NAT14: variants seen among roughly 807,000 people sequenced by gnomAD.
NAT14 encodes the protein N-acetyltransferase 14 (putative).
In NAT14, 14 loss-of-function variants were observed where a neutral mutation model predicts 12.1. The observed-to-expected ratio is 1.16, with a 90% CI of 0.76 to 1.81. The LOEUF is 1.81. Among genes scored for constraint, NAT14 ranks in the 40% most tolerant of loss-of-function variants. The pLI is 0.00. For synonymous variants in NAT14, 156 were observed against 145.1 expected, an observed-to-expected ratio of 1.08 and a Z score of -0.54; for missense variants, 341 against 304.3, an observed-to-expected ratio of 1.12 and a Z score of -0.90.
Position 55,485,702 on chromosome 19 carries a change from G to A in NAT14, c.-7G>A. 1 of 1,549,768 alleles carries A rather than the reference G, an allele frequency of 6.5e-7. No homozygotes were observed. Among genetic ancestry groups the A allele is most frequent in the Admixed American group, 2.0e-5 (1 of 50,992 alleles). ...CCCTTCTGGGGGGCCGGGGCCTGGG[G>A]GTTGCCATGGCCCCCAGCCACCTGT... is the stretch of plus-strand genomic sequence containing the variant. On this transcript the variant is annotated 5_prime_UTR_variant, in exon 2 of 3. Coordinates refer to ENST00000205194, the MANE Select transcript of NAT14 (RefSeq NM_020378.4).
At chr19:55,485,547 C>G in intron 1 of NAT14, 114 bp from the exon 2 acceptor site, 1 of 606,564 alleles carries the variant, frequency 1.6e-6, no homozygotes, top group Non-Finnish European at 2.9e-6. Context: ...CTTGGGGGCC[C>G]CGAGGGTTCT....
chr19:55,485,653 CTCACCAGG>C lies in NAT14; in HGVS notation c.-48-6_-47del. 6.9e-7 allele frequency: 1 copy of C among 1,439,690 alleles called. No homozygotes were observed. Among genetic ancestry groups the C allele is most frequent in the Non-Finnish European group, 9.6e-7 (1 of 1,046,202 alleles). The allele number at this position is 1,439,690 out of a possible 1,614,324, so 89.2% of individuals were successfully genotyped here. A position where few individuals can be genotyped will look rare whatever the true frequency, so the allele number is the denominator to read the frequency against. The stretch of plus-strand genomic sequence containing the variant: ...CCCCTGACGCTGACCTACTTATGTT[CTCACCAGG>C]TGCACGACGCCAGCTCCCTTCTGGG... On this transcript the variant is annotated splice_acceptor_variant and splice_polypyrimidine_tract_variant and 5_prime_UTR_variant and intron_variant, in exon 2 of 3. Coordinates refer to ENST00000205194, the MANE Select transcript of NAT14 (RefSeq NM_020378.4). LOFTEE classifies it low-confidence loss of function (5UTR_SPLICE).
rs1161968028 is a variant in NAT14 at position 55,485,687 on chromosome 19, G to A, written c.-22G>A. On this transcript the variant is annotated 5_prime_UTR_variant, in exon 2 of 3. Transcript: ENST00000205194. ...TGCACGACGCCAGCTCCCTTCTGGG[G>A]GGCCGGGGCCTGGGGGTTGCCATGG... 1.3e-6 allele frequency: 2 copies of A among 1,546,026 alleles called. No individual in the cohort carries two copies. Among genetic ancestry groups the A allele is most frequent in the East Asian group, 2.4e-5 (1 of 40,876 alleles).
Position 55,487,219 on chromosome 19 carries a change from C to G in NAT14, c.*263C>G. ...GGGGGCCTCTCGAGGTCAGCCTCTC[C>G]AACCCCTACCTCAGCTCCTGTCTGC... is the stretch of plus-strand genomic sequence containing the variant. On this transcript the variant is annotated 3_prime_UTR_variant, in exon 3 of 3. Coordinates refer to ENST00000205194, the MANE Select transcript of NAT14 (RefSeq NM_020378.4). 1.8e-6 allele frequency: 1 copy of G among 540,700 alleles called. No individual in the cohort carries two copies. The highest frequency in any genetic ancestry group is 3.4e-5 in the East Asian group (1 of 29,396). 33.5% of individuals were successfully genotyped at this position (540,700 alleles called of 1,614,324 possible). A position where few individuals can be genotyped will look rare whatever the true frequency, so the allele number is the denominator to read the frequency against.
In NAT14 at chr19:55,486,806, C is replaced by A. The variant is rs1026343667; in HGVS notation, c.471C>A (p.Gly157=). The A allele has an allele frequency of 4.0e-6, 6 of 1,490,094 alleles. No individual in the cohort carries two copies. The Middle Eastern group carries it at 6.9e-4, about 171-fold the overall frequency. The allele number at this position is 1,490,094 out of a possible 1,614,324, so 92.3% of individuals were successfully genotyped here. ...AEARARAWAG[G]MGEPRARLVV... ...CCCGGGCTCGGGCCTGGGCTGGGGG[C>A]ATGGGGGAGCCCCGGGCCCGGCTCG... The change falls in exon 3 of 3, where the codon GGC becomes GGA. Residue 157 remains glycine (G), a synonymous_variant. Transcript: ENST00000205194.
chr19:55,487,050 T>G lies in NAT14; in HGVS notation c.*94T>G. 5 of 1,457,954 alleles carry G rather than the reference T, an allele frequency of 3.4e-6. No individual in the cohort carries two copies. The highest frequency in any genetic ancestry group is 4.5e-6 in the Non-Finnish European group (5 of 1,109,536). 90.3% of individuals were successfully genotyped at this position (1,457,954 alleles called of 1,614,324 possible). A position where few individuals can be genotyped will look rare whatever the true frequency, so the allele number is the denominator to read the frequency against. On this transcript the variant is annotated 3_prime_UTR_variant, in exon 3 of 3. Transcript: ENST00000205194. ...TGCGGGTTCTTTTACCTGCTCTCCC[T>G]CAGTGAGTCCTCAACCACCCTGGGC...
intron 2 of NAT14, chr19:55,486,083 C>G (rs1345251375): frequency 3.5e-6 from 2 of 573,948 alleles, no homozygotes; most frequent in Non-Finnish European, 6.2e-6. Flanking sequence ...CAAAGCACAG[C>G]CCAGCACCCC....
In NAT14 at chr19:55,486,519, T is replaced by A. The variant is rs779349801; in HGVS notation, c.184T>A (p.Phe62Ile). ...SSGLRFVLASFALALLLPVFL... is the reference protein window; with the variant it reads ...SSGLRFVLASIALALLLPVFL... Reference sequence around the variant, plus strand: ...CGGCCTGCGCTTTGTCCTGGCTTCCTTCGCCCTGGCCCTCCTCCTGCCGGT... The same window carrying A: ...CGGCCTGCGCTTTGTCCTGGCTTCCATCGCCCTGGCCCTCCTCCTGCCGGT... The change falls in exon 3 of 3, where the codon TTC becomes ATC. Residue 62 changes from phenylalanine (F) to isoleucine (I), a missense_variant. Phe to Ile is a conservative substitution (Grantham distance 21). Transcript: ENST00000205194. The A allele has an allele frequency of 6.3e-7, 1 of 1,587,092 alleles. No individual in the cohort carries two copies. Among genetic ancestry groups the A allele is most frequent in the Admixed American group, 1.7e-5 (1 of 58,332 alleles).
In NAT14 at chr19:55,487,230, T is replaced by G. The variant is rs778752929; in HGVS notation, c.*274T>G. 4 of 522,844 alleles carry G rather than the reference T, an allele frequency of 7.7e-6. No homozygotes were observed. The highest frequency in any genetic ancestry group is 3.8e-5 in the Admixed American group (1 of 26,362). The allele number at this position is 522,844 out of a possible 1,614,324, so 32.4% of individuals were successfully genotyped here. A position where few individuals can be genotyped will look rare whatever the true frequency, so the allele number is the denominator to read the frequency against. ...GAGGTCAGCCTCTCCAACCCCTACC[T>G]CAGCTCCTGTCTGCACTGAGAAACC... On this transcript the variant is annotated 3_prime_UTR_variant, in exon 3 of 3. Coordinates refer to ENST00000205194, the MANE Select transcript of NAT14 (RefSeq NM_020378.4).
intron 2 of NAT14, chr19:55,486,106 C>A: frequency 1.8e-6 from 1 of 548,334 alleles, no homozygotes; most frequent in East Asian, 2.9e-5. Context: ...CCTAGCCCAG[C>A]AGCCTCCCTC....
chr19:55,485,707 C>T lies in NAT14; in HGVS notation c.-2C>T, dbSNP rs182684332. ...CTGGGGGGCCGGGGCCTGGGGGTTG[C>T]CATGGCCCCCAGCCACCTGTCAGTG... On this transcript the variant is annotated 5_prime_UTR_variant, in exon 2 of 3. Coordinates refer to ENST00000205194, the MANE Select transcript of NAT14 (RefSeq NM_020378.4). 5.9e-4 allele frequency: 915 copies of T among 1,550,048 alleles called. 2 individuals carry two copies. The African/African-American group carries it at 0.011, about 18-fold the overall frequency.
Position 55,485,685 on chromosome 19 carries a change from G to A in NAT14, c.-24G>A. On this transcript the variant is annotated 5_prime_UTR_variant, in exon 2 of 3. Transcript: ENST00000205194. The stretch of plus-strand genomic sequence containing the variant: ...GGTGCACGACGCCAGCTCCCTTCTG[G>A]GGGGCCGGGGCCTGGGGGTTGCCAT... The A allele has an allele frequency of 6.5e-7, 1 of 1,545,242 alleles. No individual in the cohort carries two copies.
chr19:55,486,579 C>T lies in NAT14; in HGVS notation c.244C>T (p.Arg82Trp), dbSNP rs779283470. The T allele has an allele frequency of 1.3e-5, 20 of 1,577,512 alleles. No homozygotes were observed. Among genetic ancestry groups the T allele is most frequent in the South Asian group, 3.4e-5 (3 of 87,820 alleles). Residue 82 changes from arginine to tryptophan, a missense_variant, in exon 3 of 3, where the codon CGG becomes TGG. Arg to Trp is a moderately radical substitution (Grantham distance 101). Coordinates refer to ENST00000205194, the MANE Select transcript of NAT14 (RefSeq NM_020378.4). ...LAVAAVKLGL[R>W]ARWGSLPPPG... is the part of the protein sequence containing the mutation. ...TGTGGCCGCCGTGAAGCTGGGCCTG[C>T]GGGCCCGATGGGGCTCGCTGCCTCC...
At position 55,487,083 on chromosome 19, in the gene NAT14, C is replaced by T; in HGVS notation, c.*127C>T. The T allele has an allele frequency of 7.3e-7, 1 of 1,379,158 alleles. No individual in the cohort carries two copies. The highest frequency in any genetic ancestry group is 9.5e-7 in the Non-Finnish European group (1 of 1,057,884). 85.4% of individuals were successfully genotyped at this position (1,379,158 alleles called of 1,614,324 possible). On this transcript the variant is annotated 3_prime_UTR_variant, in exon 3 of 3. Coordinates refer to ENST00000205194, the MANE Select transcript of NAT14 (RefSeq NM_020378.4). ...TCCTCAACCACCCTGGGCCCAGAAA[C>T]AGAGGCCTGCCGAGGGGAGGAGCCT...
chr19:55,485,470 G>A lies in NAT14; in HGVS notation c.-48-191G>A, dbSNP rs1318463905. 5.7e-5 allele frequency among the ~76,000 whole-genome samples: 7 copies of A among 122,850 alleles called. No homozygotes were observed. The East Asian group carries it at 1.7e-3, about 30-fold the overall frequency. 80.6% of individuals were successfully genotyped at this position (122,850 alleles called of 152,430 possible). A position where few individuals can be genotyped will look rare whatever the true frequency, so the allele number is the denominator to read the frequency against. ...ATCGCTGAATAATACGGGGGAGGGGGGATCCCGGGAGACTTTAGCAAGGTC... is the reference window on the plus strand; with the variant it reads ...ATCGCTGAATAATACGGGGGAGGGGAGATCCCGGGAGACTTTAGCAAGGTC... On this transcript the variant is annotated intron_variant, in intron 1 of 2. Coordinates refer to ENST00000205194, the MANE Select transcript of NAT14 (RefSeq NM_020378.4).
chr19:55,486,789 C>CGGGCCT lies in NAT14; in HGVS notation c.459_464dup (p.Trp154_Ala155dup), dbSNP rs1184527264. 11 of 1,433,702 alleles carry CGGGCCT rather than the reference C, an allele frequency of 7.7e-6. No homozygotes were observed. Among genetic ancestry groups the CGGGCCT allele is most frequent in the Non-Finnish European group, 9.1e-6 (10 of 1,104,814 alleles). 88.8% of individuals were successfully genotyped at this position (1,433,702 alleles called of 1,614,324 possible). ...GCTGGCCTTCGCGGAGGCCCGGGCT[C>CGGGCCT]GGGCCTGGGCTGGGGGCATGGGGGA... On this transcript the variant is annotated inframe_insertion, in exon 3 of 3. Coordinates refer to ENST00000205194, the MANE Select transcript of NAT14 (RefSeq NM_020378.4).
chr19:55,487,526 T>C lies in NAT14; in HGVS notation c.*570T>C. 1 of 394,110 alleles carries C rather than the reference T, an allele frequency of 2.5e-6. No individual in the cohort carries two copies. Among genetic ancestry groups the C allele is most frequent in the Non-Finnish European group, 4.5e-6 (1 of 223,720 alleles). The allele number at this position is 394,110 out of a possible 1,614,324, so 24.4% of individuals were successfully genotyped here. A position where few individuals can be genotyped will look rare whatever the true frequency, so the allele number is the denominator to read the frequency against. Reference sequence around the variant, plus strand: ...AGCCCTGTCCCTTCCTCCAGATCCGTCTGGTTTTTTACACCGTTTGTTAAT... The same window carrying C: ...AGCCCTGTCCCTTCCTCCAGATCCGCCTGGTTTTTTACACCGTTTGTTAAT... On this transcript the variant is annotated 3_prime_UTR_variant, in exon 3 of 3. Transcript: ENST00000205194.
At chr19:55,485,477 G>A (rs187202276) in intron 1 of NAT14, among the ~76,000 whole-genome samples, 184 bp from the exon 2 acceptor site, 17 of 151,818 alleles carry the variant, frequency 1.1e-4, no homozygotes, top group Non-Finnish European at 2.4e-4. Flanking sequence ...GGGGGATCCC[G>A]GGAGACTTTA....
chr19:55,485,602 G>A, intron 1 of NAT14, 59 bp from the exon 2 acceptor site: 1 of 921,128 alleles, frequency 1.1e-6, no homozygotes, highest in Non-Finnish European at 1.7e-6. Context: ...CCTACCCCTC[G>A]GGGGAGCTTT....
Sources: allele counts gnomAD v4.1 joint callset (sites outside exome capture counted in the v4.1 genomes callset), GRCh38; gene constraint gnomAD v4.1.1; transcripts MANE v1.5; gene names NCBI Gene and HGNC (gene_info 2026-07-23, HGNC 2026-07-21).